LRP5: variants seen among roughly 807,000 people sequenced by gnomAD.
The protein encoded by LRP5 is LDL receptor related protein 5.
In LRP5, 62 loss-of-function variants were observed where a neutral mutation model predicts 154.1. That is an observed-to-expected ratio of 0.40 (90% CI 0.33 to 0.50). The LOEUF (loss-of-function observed/expected upper bound fraction) is 0.50, where lower values mean the gene tolerates loss of function less well. Among genes scored for constraint, LRP5 ranks in the 20% least tolerant of loss-of-function variants. The pLI is 0.55. For synonymous variants in LRP5, 966 were observed against 1,011.5 expected (o/e 0.96, Z 0.85); for missense variants, 1,915 against 2,336.7 (o/e 0.82, Z 3.72).
At chr11:68,416,789 T>G (rs1460123983) in intron 13 of LRP5, among the ~76,000 whole-genome samples, 3 of 152,214 alleles carry the variant, frequency 2.0e-5, no homozygotes. Context: ...ACTTTTGTCT[T>G]TTCAAGAAAG....
chr11:68,394,373 C>T (rs2098648018), intron 7 of LRP5, among the ~76,000 whole-genome samples: 1 of 152,134 alleles, frequency 6.6e-6, no homozygotes, highest in African/African-American at 2.4e-5. Context: ...CGGAGCTGTC[C>T]AGGAACAGGG....
intron 5 of LRP5, among the ~76,000 whole-genome samples, chr11:68,371,614 A>T (rs1389198886): frequency 6.6e-6 from 1 of 152,214 alleles, no homozygotes; most frequent in Non-Finnish European, 1.5e-5. Flanking sequence ...GCCCATTGGT[A>T]TTGCGGCCGT....
chr11:68,356,155 T>C (rs2098623048), intron 2 of LRP5, among the ~76,000 whole-genome samples: 1 of 151,080 alleles, frequency 6.6e-6, no homozygotes, highest in South Asian at 2.1e-4. Flanking sequence ...TTTTTTTTTT[T>C]TTTTTAGGCA....
rs1249593548 is a variant in LRP5, at chr11:68,347,857, C to A, written c.102C>A (p.Leu34=). ...GCPAPAAASP[L]LLFANRRDVR... ...GCTTCTGCCCCACAGCCTCGCCGCTCCTGCTATTTGCCAACCGCCGGGACG... is the reference window on the plus strand; with the variant it reads ...GCTTCTGCCCCACAGCCTCGCCGCTACTGCTATTTGCCAACCGCCGGGACG... The change falls in exon 2 of 23, where the codon CTC becomes CTA. Residue 34 remains leucine, a synonymous_variant. Transcript: ENST00000294304. 14 of 1,613,484 alleles carry A rather than the reference C, an allele frequency of 8.7e-6. No homozygotes were observed. The highest frequency in any genetic ancestry group is 3.3e-4 in the Middle Eastern group (2 of 6,054).
Position 68,366,881 on chromosome 11 carries a change from C to G in LRP5, c.1015+1179C>G, listed in dbSNP as rs569481895. 1.2e-3 allele frequency among the ~76,000 whole-genome samples: 179 copies of G among 152,218 alleles called. 3 individuals carry two copies. The South Asian group carries it at 0.023, about 19-fold the overall frequency. On this transcript the variant is annotated intron_variant, in intron 5 of 22. Coordinates refer to ENST00000294304, the MANE Select transcript of LRP5 (RefSeq NM_002335.4). Reference sequence around the variant, plus strand: ...ATTCATTCGTTCATCCATCCATTTGCTCATTCAGCAGGCATTTGTCGAACA... The same window carrying G: ...ATTCATTCGTTCATCCATCCATTTGGTCATTCAGCAGGCATTTGTCGAACA...
At chr11:68,394,592 C>T (rs559735446) in intron 7 of LRP5, among the ~76,000 whole-genome samples, 19 of 152,140 alleles carry the variant, frequency 1.2e-4, no homozygotes, top group African/African-American at 4.3e-4. Flanking sequence ...CAGCCTCCCG[C>T]GTAGCTGGGA....
chr11:68,397,693 C>T (rs1273543445), intron 7 of LRP5, among the ~76,000 whole-genome samples: 1 of 152,204 alleles, frequency 6.6e-6, no homozygotes, highest in Non-Finnish European at 1.5e-5. Flanking sequence ...TGTCTGTGAG[C>T]CGGCCTGGTC....
chr11:68,360,083 G>A (rs1591222968), intron 3 of LRP5, among the ~76,000 whole-genome samples: 1 of 151,592 alleles, frequency 6.6e-6, no homozygotes, highest in African/African-American at 2.4e-5. Context: ...GCCACCACAC[G>A]CGGCCACAGC....
At chr11:68,427,532 T>C (rs2098669449) in intron 16 of LRP5, among the ~76,000 whole-genome samples, 1 of 152,106 alleles carries the variant, frequency 6.6e-6, no homozygotes, top group Non-Finnish European at 1.5e-5. Context: ...ATACAAAAAT[T>C]AGCTGGGTGT....
intron 1 of LRP5, among the ~76,000 whole-genome samples, chr11:68,333,151 C>T (rs533687614): frequency 3.3e-5 from 5 of 152,200 alleles, no homozygotes; most frequent in South Asian, 2.1e-4. Context: ...GTAGGAGAGA[C>T]GCGTAGATGT....
intron 13 of LRP5, among the ~76,000 whole-genome samples, chr11:68,421,100 A>G (rs933391701): frequency 1.3e-5 from 2 of 151,902 alleles, no homozygotes; most frequent in Admixed American, 1.3e-4. Context: ...GGTGGCGGGC[A>G]CCTGTAGTCC....
At chr11:68,388,977 G>A (rs376862199) in intron 6 of LRP5, among the ~76,000 whole-genome samples, 11 of 151,950 alleles carry the variant, frequency 7.2e-5, no homozygotes, top group South Asian at 4.2e-4. Flanking sequence ...GACATTTACC[G>A]ACACTGACAT....
At chr11:68,344,849 CTTTTTTTTTTTT>C (rs58477287) in intron 1 of LRP5, among the ~76,000 whole-genome samples, 108 of 65,568 alleles carry the variant, frequency 1.6e-3, no homozygotes, top group African/African-American at 5.1e-3. Flanking sequence ...GAATCTCTCT[CTTTTTTTTTTTT>C]TTTTTTTTTT....
chr11:68,346,262 C>T (rs1286310169), intron 1 of LRP5, among the ~76,000 whole-genome samples: 1 of 152,232 alleles, frequency 6.6e-6, no homozygotes, highest in Non-Finnish European at 1.5e-5. Context: ...GAACTGTAGA[C>T]CTAAGATGAT....
chr11:68,439,398 A>C (rs1264591822), intron 20 of LRP5, among the ~76,000 whole-genome samples: 1 of 152,034 alleles, frequency 6.6e-6, no homozygotes, highest in African/African-American at 2.4e-5. Flanking sequence ...CTCTCTGGGG[A>C]GCGGGGTTAT....
At chr11:68,437,057 G>A in intron 19 of LRP5, 58 bp downstream of exon 19, 3 of 1,400,732 alleles carry the variant, frequency 2.1e-6, no homozygotes, top group Non-Finnish European at 3.0e-6. Context: ...CCAGGAACGT[G>A]GAGTTTAGGG....
At chr11:68,416,813 G>T (rs567214780) in intron 13 of LRP5, among the ~76,000 whole-genome samples, 2 of 152,230 alleles carry the variant, frequency 1.3e-5, no homozygotes, top group Non-Finnish European at 2.9e-5. Context: ...ATGGTCGTGT[G>T]TCATGCAGGG....
chr11:68,360,996 CAAAAAAAAAAAA>C (rs71043425), intron 3 of LRP5, among the ~76,000 whole-genome samples: 1 of 15,744 alleles, frequency 6.4e-5, no homozygotes, highest in Non-Finnish European at 1.0e-4. Flanking sequence ...GACTCTATCT[CAAAAAAAAAAAA>C]AAAAAAAAAA....
rs779060093 is a variant in LRP5, at chr11:68,439,790, A to C, written c.4362A>C (p.Gly1454=). The change falls in exon 21 of 23, where the codon GGA becomes GGC. Residue 1454 remains glycine (G), a synonymous_variant. Coordinates refer to ENST00000294304, the MANE Select transcript of LRP5 (RefSeq NM_002335.4). ...QHGPFTGIAC[G]KSMMSSVSLM... is the part of the protein sequence containing the mutation. ...CTTCCCTGCCAGGCATCGCATGCGG[A>C]AAGTCCATGATGAGCTCCGTGAGCC... The C allele has an allele frequency of 6.2e-7, 1 of 1,611,542 alleles. No homozygotes were observed. The highest frequency in any genetic ancestry group is 2.2e-5 in the East Asian group (1 of 44,828).
Sources: gnomAD v4.1 joint callset for allele counts (sites outside exome capture counted in the v4.1 genomes callset) on GRCh38, gnomAD v4.1.1 for gene constraint, MANE v1.5 for transcripts, NCBI Gene and HGNC (gene_info 2026-07-23, HGNC 2026-07-21) for gene names.